Variants in ZDHHC23 observed in about 807,000 individuals in gnomAD.
ZDHHC23 encodes palmitoyltransferase ZDHHC23.
ZDHHC23 carries 41 observed loss-of-function variants against 40.2 expected under a neutral mutation model. The observed-to-expected ratio is 1.02, with a 90% CI of 0.79 to 1.32. ZDHHC23 has a LOEUF of 1.32. Ranked by LOEUF, ZDHHC23 falls within the 40% of genes most tolerant of loss-of-function variation. The pLI, the probability that ZDHHC23 is intolerant of heterozygous loss-of-function variation, is 0.00. For missense variants in ZDHHC23, 471 were observed against 541.5 expected (o/e 0.87, Z 1.29); for synonymous variants, 204 against 210.2 (o/e 0.97, Z 0.26).
Position 113,959,424 on chromosome 3 carries a change from G to T in ZDHHC23, c.*794G>T. ...TAGTGTGGCCATGAGTTTAGGTGAT[G>T]AGTTCTTCTATTTATATTTTATAAA... On this transcript the variant is annotated 3_prime_UTR_variant, in exon 5 of 5. Transcript: ENST00000638807. 2 of 1,223,292 alleles carry T rather than the reference G, an allele frequency of 1.6e-6. No individual in the cohort carries two copies. The highest frequency in any genetic ancestry group is 3.1e-5 in the African/African-American group (2 of 65,032). The allele number at this position is 1,223,292 out of a possible 1,614,324, so 75.8% of individuals were successfully genotyped here. A position where few individuals can be genotyped will look rare whatever the true frequency, so the allele number is the denominator to read the frequency against.
In ZDHHC23 at chr3:113,959,789, A is replaced by G. The variant is rs1357595471; in HGVS notation, c.*1159A>G. 2.8e-6 allele frequency: 3 copies of G among 1,065,014 alleles called. No individual in the cohort carries two copies. In the African/African-American group the frequency reaches 4.9e-5, roughly 17 times the overall value. The allele number at this position is 1,065,014 out of a possible 1,614,324, so 66.0% of individuals were successfully genotyped here. ...AATTCTCAATTACCCCTCCCTAAATAACAGTATCTCACTAAGAGAGAAGAA... is the reference window on the plus strand; with the variant it reads ...AATTCTCAATTACCCCTCCCTAAATGACAGTATCTCACTAAGAGAGAAGAA... On this transcript the variant is annotated 3_prime_UTR_variant, in exon 5 of 5. Transcript: ENST00000638807.
chr3:113,953,461 C>CTGTACCTATGTATT (rs1938876713), intron 2 of ZDHHC23, among the ~76,000 whole-genome samples: 1 of 152,178 alleles, frequency 6.6e-6, no homozygotes, highest in Non-Finnish European at 1.5e-5. Context: ...CAGCATGTGT[C>CTGTACCTATGTATT]TGTACCTATG....
At position 113,961,068 on chromosome 3, in the gene ZDHHC23, T is replaced by C. The variant is rs1026148384; in HGVS notation, c.*2438T>C. ...TCTCTCCAGGGGCCAGATGAGTTTA[T>C]TGTGGAATCTTTGAAAGGACAAGGC... On this transcript the variant is annotated 3_prime_UTR_variant, in exon 5 of 5. Transcript: ENST00000638807. The C allele has an allele frequency of 1.2e-5, 3 of 250,366 alleles. No homozygotes were observed. The highest frequency in any genetic ancestry group is 6.7e-5 in the African/African-American group (3 of 44,872). The allele number at this position is 250,366 out of a possible 1,614,324, so 15.5% of individuals were successfully genotyped here.
downstream of ZDHHC23, among the ~76,000 whole-genome samples, chr3:113,969,451 A>C (rs768403147): frequency 2.6e-5 from 4 of 152,170 alleles, no homozygotes; most frequent in Non-Finnish European, 4.4e-5. Context: ...CATTGTCTCA[A>C]TGTTTTCTTC....
At chr3:113,955,169 G>T (rs191132749) in intron 3 of ZDHHC23, among the ~76,000 whole-genome samples, 23 of 152,272 alleles carry the variant, frequency 1.5e-4, no homozygotes, top group Non-Finnish European at 7.3e-5. Context: ...TAGGATTCTG[G>T]TCCTGTAGCG....
intron 3 of ZDHHC23, among the ~76,000 whole-genome samples, chr3:113,955,391 T>TGTGCGCGC (rs58421915): frequency 1.9e-4 from 29 of 149,176 alleles, no homozygotes; most frequent in Middle Eastern, 3.4e-3. Context: ...TGTGTGTGTG[T>TGTGCGCGC]GCGTGTGTGT....
At chr3:113,953,379 C>T (rs1327546273) in intron 2 of ZDHHC23, among the ~76,000 whole-genome samples, 1 of 152,152 alleles carries the variant, frequency 6.6e-6, no homozygotes, top group Non-Finnish European at 1.5e-5. Context: ...CCCATGTTGT[C>T]CTCATAACTA....
chr3:113,961,574 C>G lies in ZDHHC23; in HGVS notation c.*2944C>G, dbSNP rs967837299. The G allele has an allele frequency of 3.9e-5, 6 of 152,632 alleles. No individual in the cohort carries two copies. The highest frequency in any genetic ancestry group is 1.4e-4 in the African/African-American group (6 of 41,450). 9.5% of individuals were successfully genotyped at this position (152,632 alleles called of 1,614,324 possible). ...TAAAGCCTTAAGTGTGTTTTTGGGA[C>G]AACGTGCTGCTTATTCCACCTCAGC... On this transcript the variant is annotated 3_prime_UTR_variant, in exon 5 of 5. Transcript: ENST00000638807.
At chr3:113,972,307 A>T in the ZDHHC23 span, among the ~76,000 whole-genome samples, 6 of 152,032 alleles carry the variant, frequency 3.9e-5, no homozygotes, top group South Asian at 4.1e-4. Flanking sequence ...AGAAATTTTT[A>T]AATTTTTTCT....
the ZDHHC23 span, among the ~76,000 whole-genome samples, chr3:113,975,666 G>GTGA: frequency 2.6e-5 from 4 of 152,222 alleles, no homozygotes; most frequent in African/African-American, 9.6e-5. Flanking sequence ...TGGATAGACA[G>GTGA]TGATGCAAGT....
chr3:113,951,352 T>G (rs1938641319), intron 2 of ZDHHC23, among the ~76,000 whole-genome samples: 1 of 152,126 alleles, frequency 6.6e-6, no homozygotes, highest in Admixed American at 6.5e-5. Context: ...GAAGTCTAGG[T>G]GGAGGCAGCC....
chr3:113,958,049 TTTAA>T (rs1178099608), intron 4 of ZDHHC23, among the ~76,000 whole-genome samples: 1 of 152,208 alleles, frequency 6.6e-6, no homozygotes, highest in Non-Finnish European at 1.5e-5. Flanking sequence ...TACTTGTTTA[TTTAA>T]CAAACAGGTG....
rs1250900213 is a variant in ZDHHC23 at position 113,961,520 on chromosome 3, T to C, written c.*2890T>C. ...ATGAACTGACCATTAACAGCGCCTC[T>C]TTGATAGGTTACCCTGATGCTGCTA... On this transcript the variant is annotated 3_prime_UTR_variant, in exon 5 of 5. Transcript: ENST00000638807. The C allele has an allele frequency of 6.6e-6, 1 of 152,666 alleles. No individual in the cohort carries two copies. Among genetic ancestry groups the C allele is most frequent in the Non-Finnish European group, 1.5e-5 (1 of 68,046 alleles). 9.5% of individuals were successfully genotyped at this position (152,666 alleles called of 1,614,324 possible).
rs1237355677 is a variant in ZDHHC23 at position 113,959,317 on chromosome 3, A to G, written c.*687A>G. ...ATGAACTACTCAAACAGAGAAGATG[A>G]CCAGATGGATTGATGCTAAGTTGTC... On this transcript the variant is annotated 3_prime_UTR_variant, in exon 5 of 5. Coordinates refer to ENST00000638807, the MANE Select transcript of ZDHHC23 (RefSeq NM_001320466.2). 1 of 1,100,300 alleles carries G rather than the reference A, an allele frequency of 9.1e-7. No homozygotes were observed. The highest frequency in any genetic ancestry group is 1.1e-6 in the Non-Finnish European group (1 of 887,124). The allele number at this position is 1,100,300 out of a possible 1,614,324, so 68.2% of individuals were successfully genotyped here.
Position 113,956,385 on chromosome 3 carries a change from GC to G in ZDHHC23, c.922del (p.Leu308PhefsTer2), listed in dbSNP as rs1190822909. ...ATCAAATCATCAAGCATTTATACTT[GC>G]CCTTTTGATCTTCTTGCTCACCTCG... is the stretch of plus-strand genomic sequence containing the variant. ...GESNHQAFIL[A>X]LLIFLLTSVY... On this transcript the variant is annotated frameshift_variant, in exon 4 of 5. Transcript: ENST00000638807. LOFTEE classifies it high-confidence loss of function. 1 of 1,614,180 alleles carries G rather than the reference GC, an allele frequency of 6.2e-7. No individual in the cohort carries two copies. The highest frequency in any genetic ancestry group is 1.1e-5 in the South Asian group (1 of 91,082).
Position 113,952,568 on chromosome 3 carries a change from G to A in ZDHHC23, c.162-1132G>A, listed in dbSNP as rs557842727. Among the ~76,000 whole-genome samples, 7 of 152,276 alleles carry A rather than the reference G, an allele frequency of 4.6e-5. No homozygotes were observed. In the South Asian group the frequency reaches 6.2e-4, roughly 14 times the overall value. ...CTCTTCTAACCTCTACCCGTTACCC[G>A]GTTCCACAGCTGCATCCACATTTTT... On this transcript the variant is annotated intron_variant, in intron 2 of 4. Coordinates refer to ENST00000638807, the MANE Select transcript of ZDHHC23 (RefSeq NM_001320466.2).
the ZDHHC23 span, among the ~76,000 whole-genome samples, chr3:113,972,747 T>A: frequency 6.6e-6 from 1 of 152,166 alleles, no homozygotes; most frequent in African/African-American, 2.4e-5. Flanking sequence ...TGATGTTGAG[T>A]GCATAGATAT....
At chr3:113,965,140 T>A (rs773282867), downstream of ZDHHC23, 1 of 1,554,670 alleles carries the variant, frequency 6.4e-7, no homozygotes, top group East Asian at 2.3e-5. Context: ...GTCCTAAATA[T>A]TACACTAATC....
rs370935137 is a variant in ZDHHC23, at chr3:113,954,136, A to G, written c.598A>G (p.Ser200Gly). ...TCCAGGCTACCTCAGCAATCCAGCA[A>G]GCGGTGACAGATCTCTAAGCAGCAG... The part of the protein sequence containing the change: ...KNPGYLSNPA[S>G]GDRSLSSSQL... Residue 200 changes from serine to glycine, a missense_variant, in exon 3 of 5, where the codon AGC becomes GGC. By Grantham distance (56) the Ser-to-Gly change is moderately conservative. Transcript: ENST00000638807. 25 of 1,614,102 alleles carry G rather than the reference A, an allele frequency of 1.5e-5. No homozygotes were observed. Among genetic ancestry groups the G allele is most frequent in the Admixed American group, 8.3e-5 (5 of 60,012 alleles).
Sources: allele counts gnomAD v4.1 joint callset (sites outside exome capture counted in the v4.1 genomes callset), GRCh38; gene constraint gnomAD v4.1.1; transcripts MANE v1.5; gene names NCBI Gene and HGNC (gene_info 2026-07-23, HGNC 2026-07-21).